SLC44A5: variants seen among roughly 807,000 people sequenced by gnomAD.
SLC44A5 encodes the protein solute carrier family 44 member 5, also known as choline transporter-like protein 5.
In SLC44A5, 57 loss-of-function variants were observed where a neutral mutation model predicts 101.8. The ratio of observed to expected loss-of-function variants is 0.56; its 90% confidence interval spans 0.45 to 0.70. SLC44A5 has a LOEUF of 0.70. Ranked by LOEUF, SLC44A5 falls within the 30% of genes least tolerant of loss-of-function variation. The probability of loss-of-function intolerance (pLI) is 0.00; values close to 1 mark genes in which losing one functional copy is unlikely to be tolerated. For missense variants in SLC44A5, 737 were observed against 853.1 expected (o/e 0.86, Z 1.70); for synonymous variants, 281 against 290.9 (o/e 0.97, Z 0.35).
chr1:75,280,652 C>G (rs79271909), intron 5 of SLC44A5, among the ~76,000 whole-genome samples: 8,668 of 150,510 alleles, frequency 0.058, 290 homozygotes, highest in Middle Eastern at 0.12. Context: ...GAAGAGGGAT[C>G]TCGTGGGAGG....
At chr1:75,617,004 G>A in the SLC44A5 span, among the ~76,000 whole-genome samples, 1 of 152,058 alleles carries the variant, frequency 6.6e-6, no homozygotes, top group Non-Finnish European at 1.5e-5. Context: ...TCCTCCCCTC[G>A]CGTGCTGATA....
intron 2 of SLC44A5, among the ~76,000 whole-genome samples, chr1:75,526,479 C>CA (rs1670414452): frequency 1.3e-5 from 2 of 152,270 alleles, no homozygotes; most frequent in African/African-American, 4.8e-5. Context: ...ACCCTTATCG[C>CA]AGAGGCCCTT....
intron 1 of SLC44A5, among the ~76,000 whole-genome samples, chr1:75,562,221 T>A (rs990484584): frequency 6.6e-6 from 1 of 152,092 alleles, no homozygotes; most frequent in Non-Finnish European, 1.5e-5. Context: ...ATTTCCCAGA[T>A]TTTTTATTAT....
At chr1:75,624,764 A>T in the SLC44A5 span, among the ~76,000 whole-genome samples, 1 of 152,050 alleles carries the variant, frequency 6.6e-6, no homozygotes, top group South Asian at 2.1e-4. Flanking sequence ...TTCTCTCTGA[A>T]CCTCAATTTT....
chr1:75,352,265 G>C (rs923151324), intron 3 of SLC44A5, among the ~76,000 whole-genome samples: 1 of 151,974 alleles, frequency 6.6e-6, no homozygotes, highest in African/African-American at 2.4e-5. Context: ...ATAGGTCAAA[G>C]TGTGCCGTGG....
At chr1:75,408,728 G>C (rs1469423762) in intron 2 of SLC44A5, among the ~76,000 whole-genome samples, 1 of 152,104 alleles carries the variant, frequency 6.6e-6, no homozygotes, top group Non-Finnish European at 1.5e-5. Context: ...GGCTAGGGGA[G>C]GGATAGCATT....
intron 2 of SLC44A5, among the ~76,000 whole-genome samples, chr1:75,409,787 T>G (rs1385214695): frequency 6.6e-6 from 1 of 152,076 alleles, no homozygotes; most frequent in African/African-American, 2.4e-5. Flanking sequence ...TCATTGATAA[T>G]TATGTAGGGC....
At position 75,387,347 on chromosome 1, in the gene SLC44A5, C is replaced by T. The variant is rs1318248201; in HGVS notation, c.52+9236G>A. ...GCTAATATCCAGAATCTACAATGAA[C>T]TCAAACAAATTTACAAGAAAAAAAC... On this transcript the variant is annotated intron_variant, in intron 3 of 23. Coordinates refer to ENST00000370859, the MANE Select transcript of SLC44A5 (RefSeq NM_001130058.2). 1.2e-4 allele frequency among the ~76,000 whole-genome samples: 17 copies of T among 139,788 alleles called. No individual in the cohort carries two copies. The East Asian group carries it at 2.2e-3, about 18-fold the overall frequency. The allele number at this position is 139,788 out of a possible 152,430, so 91.7% of individuals were successfully genotyped here. A position where few individuals can be genotyped will look rare whatever the true frequency, so the allele number is the denominator to read the frequency against.
chr1:75,650,077 A>G, the SLC44A5 span, among the ~76,000 whole-genome samples: 1 of 151,916 alleles, frequency 6.6e-6, no homozygotes, highest in Admixed American at 6.6e-5. Context: ...TATTATTTTT[A>G]TACTTTAGGG....
At chr1:75,430,695 G>C (rs1162724037) in intron 2 of SLC44A5, among the ~76,000 whole-genome samples, 1 of 152,180 alleles carries the variant, frequency 6.6e-6, no homozygotes, top group African/African-American at 2.4e-5. Flanking sequence ...CAGAGAATCT[G>C]ACTCAATAGG....
intron 1 of SLC44A5, among the ~76,000 whole-genome samples, chr1:75,552,157 G>C (rs569029584): frequency 1.6e-4 from 25 of 152,184 alleles, no homozygotes; most frequent in Admixed American, 1.5e-3. Flanking sequence ...TCTTGGGCAA[G>C]CCACTTAACC....
chr1:75,684,725 G>A, the SLC44A5 span, among the ~76,000 whole-genome samples: 1 of 152,196 alleles, frequency 6.6e-6, no homozygotes, highest in African/African-American at 2.4e-5. Context: ...GCTCTGCAGA[G>A]TACAGACACT....
intron 3 of SLC44A5, among the ~76,000 whole-genome samples, chr1:75,376,118 G>C (rs545786223): frequency 6.6e-6 from 1 of 152,238 alleles, no homozygotes; most frequent in Non-Finnish European, 1.5e-5. Context: ...CAAATACTGC[G>C]CTTTTCCGAC....
At chr1:75,713,099 A>G in the SLC44A5 span, among the ~76,000 whole-genome samples, 231 of 152,306 alleles carry the variant, frequency 1.5e-3, no homozygotes, top group Non-Finnish European at 2.5e-3. Context: ...TTCCAGTTCC[A>G]TTAACTTTTC....
At chr1:75,539,242 A>G (rs1039101432) in intron 2 of SLC44A5, among the ~76,000 whole-genome samples, 5 of 152,212 alleles carry the variant, frequency 3.3e-5, no homozygotes, top group African/African-American at 4.8e-5. Flanking sequence ...TTTCATTTGT[A>G]CCTTACCTAC....
intron 12 of SLC44A5, among the ~76,000 whole-genome samples, chr1:75,228,824 C>A (rs1647310508): frequency 6.6e-6 from 1 of 151,632 alleles, no homozygotes; most frequent in Non-Finnish European, 1.5e-5. Flanking sequence ...TCAATAATCA[C>A]CCACTCTAAT....
intron 3 of SLC44A5, among the ~76,000 whole-genome samples, chr1:75,362,488 A>T (rs192502047): frequency 5.3e-5 from 8 of 151,034 alleles, no homozygotes; most frequent in Non-Finnish European, 8.9e-5. Context: ...CATTGTTTTC[A>T]TTTTCGTTTG....
At chr1:75,569,328 C>T (rs1475592997) in intron 1 of SLC44A5, among the ~76,000 whole-genome samples, 2 of 148,936 alleles carry the variant, frequency 1.3e-5, no homozygotes, top group Non-Finnish European at 3.0e-5. Context: ...GCAGCTTCTA[C>T]CTCCCAGGCT....
chr1:75,236,920 G>T, intron 11 of SLC44A5, 67 bp downstream of exon 11: 2 of 822,892 alleles, frequency 2.4e-6, no homozygotes, highest in Non-Finnish European at 3.8e-6. Flanking sequence ...AAAATTTGAA[G>T]AAAGAGTTCT....
Sources: allele counts gnomAD v4.1 joint callset (sites outside exome capture counted in the v4.1 genomes callset), GRCh38; gene constraint gnomAD v4.1.1; transcripts MANE v1.5; gene names NCBI Gene and HGNC (gene_info 2026-07-23, HGNC 2026-07-21).